ALDH4A1: variants seen among roughly 807,000 people sequenced by gnomAD.
ALDH4A1 encodes delta-1-pyrroline-5-carboxylate dehydrogenase, mitochondrial.
A neutral mutation model predicts 70.5 loss-of-function variants in ALDH4A1; 46 were observed. The observed-to-expected ratio is 0.65, with a 90% CI of 0.51 to 0.83. ALDH4A1 has a LOEUF of 0.83. Ranked by LOEUF, ALDH4A1 falls within the 40% of genes least tolerant of loss-of-function variation. ALDH4A1 has a pLI of 0.00. For synonymous variants in ALDH4A1, 323 were observed against 324.3 expected (o/e 1.00, Z 0.04); for missense variants, 749 against 766.5 (o/e 0.98, Z 0.27).
rs190847168 is a variant in ALDH4A1 at position 18,884,739 on chromosome 1, G to A, written c.453+734C>T. On this transcript the variant is annotated intron_variant, in intron 5 of 14. Coordinates refer to ENST00000375341, the MANE Select transcript of ALDH4A1 (RefSeq NM_003748.4). ...GCAATCTGAGCTGTAACTGATGCAG[G>A]AACAACATGCTCTGGGGAAACAGAG... Among the ~76,000 whole-genome samples the A allele has an allele frequency of 3.3e-3, 507 of 152,348 alleles. 3 individuals are homozygous for A. Among genetic ancestry groups the A allele is most frequent in the Middle Eastern group, 6.8e-3 (2 of 294 alleles).
intron 8 of ALDH4A1, among the ~76,000 whole-genome samples, chr1:18,881,422 C>T (rs1291152621): frequency 1.3e-5 from 2 of 152,204 alleles, no homozygotes; most frequent in Admixed American, 1.3e-4. Flanking sequence ...ATATTACCCA[C>T]AGCTGTAGGG....
At chr1:18,876,532 AAC>A in intron 11 of ALDH4A1, 65 bp from the exon 12 acceptor site, 4 of 1,506,968 alleles carry the variant, frequency 2.7e-6, no homozygotes, top group Non-Finnish European at 3.6e-6. Context: ...CAGCCCCCAC[AAC>A]ACACTCACCC....
At chr1:18,889,549 G>A (rs1192201631) in intron 2 of ALDH4A1, 95 bp from the exon 3 acceptor site, 41 of 1,161,954 alleles carry the variant, frequency 3.5e-5, no homozygotes, top group Non-Finnish European at 5.1e-5. Flanking sequence ...AGGTGCCCAG[G>A]CAATACAGAA....
At chr1:18,882,352 A>G (rs1284379621) in intron 7 of ALDH4A1, among the ~76,000 whole-genome samples, 1 of 152,066 alleles carries the variant, frequency 6.6e-6, no homozygotes, top group East Asian at 1.9e-4. Flanking sequence ...TCCCTAGTAC[A>G]CACTCCGGCA....
intron 8 of ALDH4A1, among the ~76,000 whole-genome samples, chr1:18,881,449 G>A (rs754870097): frequency 5.3e-5 from 8 of 152,138 alleles, no homozygotes; most frequent in South Asian, 2.1e-4. Flanking sequence ...TCCAGTCTGC[G>A]AAGCTCTTTC....
intron 14 of ALDH4A1, 34 bp downstream of exon 14, chr1:18,874,429 C>A (rs1934579431): frequency 6.3e-7 from 1 of 1,592,230 alleles, no homozygotes; most frequent in Admixed American, 1.7e-5. Flanking sequence ...CCACCAGGAA[C>A]TCAGCTCCCC....
Position 18,889,392 on chromosome 1 carries a change from C to G in ALDH4A1, c.219G>C (p.Val73=). ...AIPCVVGDEE[V]WTSDVQYQVS... is the part of the protein sequence containing the mutation. ...CTTGGTACTGCACGTCCGACGTCCA[C>G]ACCTCCTCATCCCCCACCACGCATG... Residue 73 remains valine, a synonymous_variant, in exon 3 of 15, where the codon GTG becomes GTC. Transcript: ENST00000375341. The G allele has an allele frequency of 6.4e-7, 1 of 1,552,880 alleles. No individual in the cohort carries two copies. Among genetic ancestry groups the G allele is most frequent in the East Asian group, 2.4e-5 (1 of 40,956 alleles).
rs757444298 is a variant in ALDH4A1, at chr1:18,875,474, G to C, written c.1368C>G (p.Tyr456Ter). Residue 456 changes from tyrosine (Y) to a stop codon, truncating the protein, a stop_gained, in exon 13 of 15, where the codon TAC (tyrosine) becomes TAG (stop). Transcript: ENST00000375341. LOFTEE classifies it high-confidence loss of function. ...CCTTGTACTTGTCATCCGGGTAGAC[G>C]TACACAGACAGTACAGGCCCGAAGA... ...EEIFGPVLSV[Y>*]VYPDDKYKET... The C allele has an allele frequency of 6.2e-7, 1 of 1,613,974 alleles. No homozygotes were observed. Among genetic ancestry groups the C allele is most frequent in the African/African-American group, 1.3e-5 (1 of 74,906 alleles).
chr1:18,875,305 C>T lies in ALDH4A1; in HGVS notation c.1460+77G>A. Reference sequence around the variant, plus strand: ...TAGGGGCAGCATTATTACTGGGAACCACGTCCAGGAGGTGGGGATGGGGAC... The same window carrying T: ...TAGGGGCAGCATTATTACTGGGAACTACGTCCAGGAGGTGGGGATGGGGAC... On this transcript the variant is annotated intron_variant, in intron 13 of 14. Coordinates refer to ENST00000375341, the MANE Select transcript of ALDH4A1 (RefSeq NM_003748.4). 3 of 1,609,736 alleles carry T rather than the reference C, an allele frequency of 1.9e-6. No homozygotes were observed. The South Asian group carries it at 3.3e-5, about 18-fold the overall frequency.
intron 11 of ALDH4A1, among the ~76,000 whole-genome samples, 153 bp from the exon 12 acceptor site, chr1:18,876,620 G>C (rs1356834836): frequency 7.2e-6 from 1 of 138,000 alleles, no homozygotes; most frequent in South Asian, 2.4e-4. Flanking sequence ...AAAAGCCAGG[G>C]TCTGGCTGAG....
intron 1 of ALDH4A1, among the ~76,000 whole-genome samples, chr1:18,900,417 G>C (rs1557631032): frequency 2.0e-5 from 3 of 152,228 alleles, no homozygotes; most frequent in African/African-American, 7.2e-5. Context: ...CATCAAAGCT[G>C]TTCCTCTAGA....
chr1:18,875,650 G>A (rs577581656), intron 12 of ALDH4A1, 147 bp from the exon 13 acceptor site: 29 of 1,282,304 alleles, frequency 2.3e-5, no homozygotes, highest in Non-Finnish European at 2.8e-5. Context: ...GTCAGGTGTC[G>A]CCTCCTCCTG....
At chr1:18,902,421 A>G (rs1235767524) in intron 1 of ALDH4A1, 41 bp downstream of exon 1, 3 of 1,306,978 alleles carry the variant, frequency 2.3e-6, no homozygotes, top group South Asian at 4.1e-5. Flanking sequence ...CCCGGGCCCC[A>G]GGCGCGCGCT....
At chr1:18,901,784 C>T (rs1009165577) in intron 1 of ALDH4A1, among the ~76,000 whole-genome samples, 2 of 152,108 alleles carry the variant, frequency 1.3e-5, no homozygotes, top group Non-Finnish European at 2.9e-5. Context: ...CTGTTCAGTG[C>T]ACTCCCCATG....
At chr1:18,888,171 C>G (rs888588538) in intron 3 of ALDH4A1, among the ~76,000 whole-genome samples, 4 of 152,210 alleles carry the variant, frequency 2.6e-5, no homozygotes, top group African/African-American at 4.8e-5. Context: ...TCTGTCCTCA[C>G]TGCAGGAAAT....
chr1:18,890,179 C>A, intron 1 of ALDH4A1, 74 bp from the exon 2 acceptor site: 6 of 1,294,800 alleles, frequency 4.6e-6, no homozygotes, highest in Non-Finnish European at 3.3e-6. Flanking sequence ...GCCCCTCTAC[C>A]TCCGACAGGG....
In ALDH4A1 at chr1:18,883,422, T is replaced by C. The variant is rs1320095536; in HGVS notation, c.460A>G (p.Thr154Ala). The C allele has an allele frequency of 1.2e-6, 2 of 1,613,208 alleles. No individual in the cohort carries two copies. The highest frequency in any genetic ancestry group is 1.7e-6 in the Non-Finnish European group (2 of 1,180,040). Residue 154 changes from threonine (T) to alanine (A), a missense_variant, in exon 6 of 15, where the codon ACC becomes GCC. Thr to Ala is a moderately conservative substitution (Grantham distance 58, BLOSUM62 0). Transcript: ENST00000375341. ...LAKTMVGQGK[T>A]VIQAEIDAAA... is the part of the protein sequence containing the mutation. ...GCGTCAATCTCCGCTTGGATCACGG[T>C]CTTACCCTGCAAGGCAGAGGGCCGG...
chr1:18,887,987 CT>C (rs1387331476), intron 3 of ALDH4A1, among the ~76,000 whole-genome samples: 2 of 152,220 alleles, frequency 1.3e-5, no homozygotes, highest in African/African-American at 4.8e-5. Context: ...CTTCCTAGGG[CT>C]GGCAAGATAG....
chr1:18,900,089 C>T (rs977460438), intron 1 of ALDH4A1, among the ~76,000 whole-genome samples: 2 of 152,106 alleles, frequency 1.3e-5, no homozygotes, highest in African/African-American at 4.8e-5. Context: ...GGTACAATTC[C>T]AGGTGATTTT....
Sources: allele counts gnomAD v4.1 joint callset (sites outside exome capture counted in the v4.1 genomes callset), GRCh38; gene constraint gnomAD v4.1.1; transcripts MANE v1.5; gene names NCBI Gene and HGNC (gene_info 2026-07-23, HGNC 2026-07-21).